Variants in RIMBP2 observed in about 807,000 individuals in gnomAD.
RIMBP2 encodes RIMS binding protein 2, also known as RIMS-binding protein 2.
Under a neutral mutation model 118.6 loss-of-function variants are expected in RIMBP2, and 48 were observed. That is an observed-to-expected ratio of 0.40 (90% CI 0.32 to 0.51). The LOEUF is 0.51. Among genes scored for constraint, RIMBP2 ranks in the 20% least tolerant of loss-of-function variants. The pLI is 0.41. For missense variants in RIMBP2, 1,551 were observed against 1,768.3 expected (o/e 0.88, Z 2.20); for synonymous variants, 762 against 742.9 (o/e 1.03, Z -0.42).
chr12:130,459,035 ACT>A (rs1246648606), intron 6 of RIMBP2, among the ~76,000 whole-genome samples: 21 of 122,986 alleles, frequency 1.7e-4, no homozygotes, highest in Non-Finnish European at 2.7e-4. Flanking sequence ...CAAGAGTGAC[ACT>A]CTGTCTCAAA....
chr12:130,541,007 C>T (rs2054552657), intron 2 of RIMBP2, among the ~76,000 whole-genome samples: 1 of 152,104 alleles, frequency 6.6e-6, no homozygotes, highest in African/African-American at 2.4e-5. Context: ...GGAGGGCTAC[C>T]AAGAGCTGAG....
intron 2 of RIMBP2, among the ~76,000 whole-genome samples, chr12:130,582,654 G>A (rs1238149635): frequency 1.3e-5 from 2 of 152,158 alleles, no homozygotes; most frequent in African/African-American, 2.4e-5. Flanking sequence ...TTCTCAAAGC[G>A]CCACCAGCAT....
At chr12:130,487,036 G>C (rs762617585) in intron 4 of RIMBP2, among the ~76,000 whole-genome samples, 4 of 152,186 alleles carry the variant, frequency 2.6e-5, no homozygotes, top group Non-Finnish European at 5.9e-5. Flanking sequence ...CAGCCAACAG[G>C]CTCCTCTGTG....
intron 4 of RIMBP2, among the ~76,000 whole-genome samples, chr12:130,486,838 A>T (rs1353541708): frequency 6.6e-6 from 1 of 150,818 alleles, no homozygotes; most frequent in Non-Finnish European, 1.5e-5. Flanking sequence ...CTACGGCAGA[A>T]GAGCCCTTTC....
rs1023819761 is a variant in RIMBP2, at chr12:130,472,641, G to A, written c.103-1898C>T. On this transcript the variant is annotated intron_variant, in intron 5 of 22. Transcript: ENST00000690449. ...ATGGACGATTCAACATCATAAATAA[G>A]CAAGTGAACATTATCTTAACAGTTT... Among the ~76,000 whole-genome samples, 120 of 152,320 alleles carry A rather than the reference G, an allele frequency of 7.9e-4. 4 individuals are homozygous for A. Among genetic ancestry groups the A allele is most frequent in the Admixed American group, 7.6e-3 (117 of 15,300 alleles).
intron 7 of RIMBP2, among the ~76,000 whole-genome samples, chr12:130,455,683 T>C (rs906332066): frequency 6.6e-6 from 1 of 152,198 alleles, no homozygotes; most frequent in African/African-American, 2.4e-5. Flanking sequence ...TTATATATTC[T>C]GATAAGAACT....
chr12:130,490,065 A>C (rs2048485325), intron 4 of RIMBP2, among the ~76,000 whole-genome samples: 1 of 147,268 alleles, frequency 6.8e-6, no homozygotes, highest in South Asian at 2.1e-4. Flanking sequence ...CGGAGGTTGC[A>C]GTGAGCCGAG....
rs145217312 is a variant in RIMBP2 at position 130,420,597 on chromosome 12, T to TA, written c.3238+1855dup. Among the ~76,000 whole-genome samples, 24 of 151,444 alleles carry TA rather than the reference T, an allele frequency of 1.6e-4. No individual in the cohort carries two copies. The East Asian group carries it at 1.7e-3, about 11-fold the overall frequency. Reference sequence around the variant, plus strand: ...TTCTCACTGCTGATGAATGCAGTTTTAAAAAAAAAGTCTCAACAATATACA... The same window carrying TA: ...TTCTCACTGCTGATGAATGCAGTTTTAAAAAAAAAAGTCTCAACAATATACA... On this transcript the variant is annotated intron_variant, in intron 17 of 22. Transcript: ENST00000690449. This position sits in a 1 kb window ranked among gnomAD's most constrained non-coding sequence, Gnocchi z 4.3.
In RIMBP2 at chr12:130,412,630, A is replaced by G. The variant is rs2075809999; in HGVS notation, c.3578T>C (p.Val1193Ala). 2 of 1,613,726 alleles carry G rather than the reference A, an allele frequency of 1.2e-6. No homozygotes were observed. The highest frequency in any genetic ancestry group is 1.7e-6 in the Non-Finnish European group (2 of 1,179,884). ...RQGFLPLNTP[V>A]EKIERSRRSG... The stretch of plus-strand genomic sequence containing the variant: ...GGGTTTGCGCTTACCTATTTTCTCC[A>G]CAGGTGTATTCAGAGGGAGAAAGCC... The change falls in exon 19 of 23, where the codon GTG (valine) becomes GCG (alanine). Residue 1193 changes from valine to alanine, a missense_variant. Physicochemically the swap from Val to Ala is moderately conservative, Grantham distance 64. Around this residue, in one of 5 missense-constraint regions of RIMBP2, gnomAD observed 1,038 missense variants for 1,125.1 expected, o/e 0.92. Transcript: ENST00000690449.
At chr12:130,519,794 C>CT (rs2051882517) in intron 2 of RIMBP2, among the ~76,000 whole-genome samples, 1 of 152,184 alleles carries the variant, frequency 6.6e-6, no homozygotes, top group Non-Finnish European at 1.5e-5. Flanking sequence ...CAAATGGGAG[C>CT]TCTCCTTAAA....
In RIMBP2 at chr12:130,544,596, CTT is replaced by C. The variant is rs35041449; in HGVS notation, c.-216-26681_-216-26680del. Among the ~76,000 whole-genome samples, 347 of 100,494 alleles carry C rather than the reference CTT, an allele frequency of 3.5e-3. 1 individual carries two copies. The highest frequency in any genetic ancestry group is 4.1e-3 in the Non-Finnish European group (223 of 54,518). 65.9% of individuals were successfully genotyped at this position (100,494 alleles called of 152,430 possible). Reference sequence around the variant, plus strand: ...TTTAGATCCAGATGTAACTGGAGGCCTTTTTTTTTTTTTTTTTTTTTGAGATG... The same window carrying C: ...TTTAGATCCAGATGTAACTGGAGGCCTTTTTTTTTTTTTTTTTTTGAGATG... On this transcript the variant is annotated intron_variant, in intron 2 of 22. Transcript: ENST00000690449.
chr12:130,397,341 G>A lies in RIMBP2; in HGVS notation c.*20C>T, dbSNP rs1442280185. On this transcript the variant is annotated 3_prime_UTR_variant, in exon 23 of 23. Transcript: ENST00000690449. ...TAAAGAAAATTACATAGATTTGGCAGTTGTCCGGAAGCACATGAATCATTT... is the reference window on the plus strand; with the variant it reads ...TAAAGAAAATTACATAGATTTGGCAATTGTCCGGAAGCACATGAATCATTT... 4 of 398,886 alleles carry A rather than the reference G, an allele frequency of 1.0e-5. No individual in the cohort carries two copies. Among genetic ancestry groups the A allele is most frequent in the Admixed American group, 4.4e-5 (1 of 22,714 alleles). The allele number at this position is 398,886 out of a possible 1,614,324, so 24.7% of individuals were successfully genotyped here.
chr12:130,409,548 G>T (rs1314370407), intron 19 of RIMBP2, among the ~76,000 whole-genome samples: 1 of 151,976 alleles, frequency 6.6e-6, no homozygotes, highest in Non-Finnish European at 1.5e-5. Context: ...GTTTCACCGT[G>T]TTAGCCAGGA....
intron 2 of RIMBP2, among the ~76,000 whole-genome samples, chr12:130,601,990 T>TC (rs2059906354): frequency 6.6e-6 from 1 of 152,148 alleles, no homozygotes; most frequent in South Asian, 2.1e-4. Context: ...CTCCAGAGAT[T>TC]TTTCTTTCTT....
chr12:130,512,524 T>C (rs1478168737), intron 3 of RIMBP2, among the ~76,000 whole-genome samples: 1 of 152,208 alleles, frequency 6.6e-6, no homozygotes, highest in African/African-American at 2.4e-5. Context: ...GGTTTCTCCA[T>C]GTTGGCCAGG....
At chr12:130,448,878 G>A (rs1475895508) in intron 9 of RIMBP2, among the ~76,000 whole-genome samples, 4 of 152,258 alleles carry the variant, frequency 2.6e-5, no homozygotes, top group African/African-American at 9.6e-5. Context: ...TATTACCAAC[G>A]AGCGGAATGT....
chr12:130,473,132 C>T (rs553432566), intron 5 of RIMBP2, among the ~76,000 whole-genome samples: 2 of 152,376 alleles, frequency 1.3e-5, no homozygotes, highest in East Asian at 3.9e-4. Context: ...TACAACTTCG[C>T]TTCCAGCTTC....
At chr12:130,660,683 C>T (rs2063620818) in intron 1 of RIMBP2, 1 of 152,198 alleles carries the variant, frequency 6.6e-6, no homozygotes, top group African/African-American at 2.4e-5. Flanking sequence ...GCGCCCCCAC[C>T]CCAGGTTCGG....
At position 130,577,103 on chromosome 12, in the gene RIMBP2, T is replaced by C. The variant is rs2058138529; in HGVS notation, c.-217+51219A>G. On this transcript the variant is annotated intron_variant, in intron 2 of 22. Coordinates refer to ENST00000690449, the MANE Select transcript of RIMBP2 (RefSeq NM_001393629.1). ...CCACTAAGCGCTGTTACTCTGAGCA[T>C]ACACCAGAGGCTCAGGTTCAAATCC... 2.6e-5 allele frequency among the ~76,000 whole-genome samples: 4 copies of C among 152,198 alleles called. No individual in the cohort carries two copies. In the South Asian group the frequency reaches 8.3e-4, roughly 32 times the overall value.
Sources: allele counts gnomAD v4.1 joint callset (sites outside exome capture counted in the v4.1 genomes callset), GRCh38; gene constraint gnomAD v4.1.1; regional missense constraint gnomAD v4.1.1; non-coding constraint Gnocchi (gnomAD v3.1); transcripts MANE v1.5; gene names NCBI Gene and HGNC (gene_info 2026-07-23, HGNC 2026-07-21).